Variants in PRPF38A observed in about 807,000 individuals in gnomAD.
PRPF38A encodes pre-mRNA-splicing factor 38A.
Under a neutral mutation model 46.8 loss-of-function variants are expected in PRPF38A, and 11 were observed. The ratio of observed to expected loss-of-function variants is 0.24; its 90% CI spans 0.15 to 0.39. The LOEUF (loss-of-function observed/expected upper bound fraction) is 0.39, where lower values mean the gene tolerates loss of function less well. Ranked by LOEUF, PRPF38A falls within the 10% of genes least tolerant of loss-of-function variation. PRPF38A has a pLI of 1.00. For synonymous variants in PRPF38A, 124 were observed against 136.2 expected (o/e 0.91, Z 0.62); for missense variants, 261 against 407.5 (o/e 0.64, Z 3.10).
At chr1:52,415,302 G>A (rs1648257785) in intron 8 of PRPF38A, 36 bp from the exon 9 acceptor site, 3 of 1,603,796 alleles carry the variant, frequency 1.9e-6, no homozygotes, top group Non-Finnish European at 1.7e-6. Flanking sequence ...AAGAGTAGAA[G>A]GGTAGGATCT....
rs1444987683 is a variant in PRPF38A, at chr1:52,420,684, G to A, written c.*3994G>A. The A allele has an allele frequency of 6.6e-6, 1 of 152,138 alleles. No individual in the cohort carries two copies. Among genetic ancestry groups the A allele is most frequent in the African/African-American group, 2.4e-5 (1 of 41,434 alleles). The allele number at this position is 152,138 out of a possible 1,614,324, so 9.4% of individuals were successfully genotyped here. A position where few individuals can be genotyped will look rare whatever the true frequency, so the allele number is the denominator to read the frequency against. ...TAAAACTATTTGTATATATGTGCCT[G>A]TATGATTAAGAGAGATGGTTGGAAT... On this transcript the variant is annotated 3_prime_UTR_variant, in exon 10 of 10. Coordinates refer to ENST00000257181, the MANE Select transcript of PRPF38A (RefSeq NM_032864.4).
intron 9 of PRPF38A, among the ~76,000 whole-genome samples, 172 bp downstream of exon 9, chr1:52,415,558 C>CT (rs1557594184): frequency 1.3e-5 from 2 of 152,024 alleles, no homozygotes; most frequent in South Asian, 4.1e-4. Flanking sequence ...TCTTTTTTCT[C>CT]TTTTTTGAGA....
intron 2 of PRPF38A, chr1:52,408,336 A>C: frequency 1.5e-6 from 1 of 653,390 alleles, no homozygotes; most frequent in Non-Finnish European, 2.8e-6. Flanking sequence ...TATATTTGAA[A>C]GTTGATCAAT....
rs1246854513 is a variant in PRPF38A, at chr1:52,416,976, T to C, written c.*286T>C. 5.1e-6 allele frequency: 2 copies of C among 389,246 alleles called. No individual in the cohort carries two copies. Among genetic ancestry groups the C allele is most frequent in the African/African-American group, 4.1e-5 (2 of 49,242 alleles). The allele number at this position is 389,246 out of a possible 1,614,324, so 24.1% of individuals were successfully genotyped here. On this transcript the variant is annotated 3_prime_UTR_variant, in exon 10 of 10. Coordinates refer to ENST00000257181, the MANE Select transcript of PRPF38A (RefSeq NM_032864.4). ...CTGACAAGGAAAGGCTGTGGCCACC[T>C]GATGACCCTTTCCCTTTTTATTAAA...
chr1:52,409,645 T>C (rs1234869136), intron 3 of PRPF38A: 3 of 152,200 alleles, frequency 2.0e-5, no homozygotes, highest in South Asian at 2.1e-4. Flanking sequence ...TTTAAACTTA[T>C]TGATTCATTC....
intron 3 of PRPF38A, among the ~76,000 whole-genome samples, chr1:52,410,614 GC>G (rs1193901411): frequency 6.6e-6 from 1 of 151,438 alleles, no homozygotes; most frequent in East Asian, 2.0e-4. Context: ...TAATTCTCCT[GC>G]CTCAGCCTCT....
chr1:52,406,869 CAGCT>C (rs1293906841), intron 2 of PRPF38A, among the ~76,000 whole-genome samples: 3 of 152,350 alleles, frequency 2.0e-5, no homozygotes, highest in African/African-American at 4.8e-5. Flanking sequence ...CAAGTTCAAA[CAGCT>C]AGTAAGTGGC....
rs1182858486 is a variant in PRPF38A at position 52,416,033 on chromosome 1, G to A, written c.897-615G>A. Among the ~76,000 whole-genome samples, 6 of 151,510 alleles carry A rather than the reference G, an allele frequency of 4.0e-5. No homozygotes were observed. The South Asian group carries it at 8.3e-4, about 21-fold the overall frequency. ...AATTTTTTATATTTTTAGTAGAGAC[G>A]GGGTTTCACCATTTTAGCCAGGATG... is the stretch of plus-strand genomic sequence containing the variant. On this transcript the variant is annotated intron_variant, in intron 9 of 9. Coordinates refer to ENST00000257181, the MANE Select transcript of PRPF38A (RefSeq NM_032864.4).
intron 2 of PRPF38A, 82 bp downstream of exon 2, chr1:52,405,921 C>G (rs1647974807): frequency 5.4e-6 from 6 of 1,109,136 alleles, no homozygotes; most frequent in Non-Finnish European, 8.1e-6. Flanking sequence ...GGGGTGTACA[C>G]AATGTATCTC....
rs1648414616 is a variant in PRPF38A at position 52,419,704 on chromosome 1, G to GAAAT, written c.*3018_*3021dup. 1 of 152,156 alleles carries GAAAT rather than the reference G, an allele frequency of 6.6e-6. No homozygotes were observed. Among genetic ancestry groups the GAAAT allele is most frequent in the Non-Finnish European group, 1.5e-5 (1 of 68,048 alleles). 9.4% of individuals were successfully genotyped at this position (152,156 alleles called of 1,614,324 possible). A position where few individuals can be genotyped will look rare whatever the true frequency, so the allele number is the denominator to read the frequency against. ...ACAGCACAGAGAAAATAGGCTGGAGGAAATAAAAAATGGAAAAGAGAAATA... is the reference window on the plus strand; with the variant it reads ...ACAGCACAGAGAAAATAGGCTGGAGGAAATAAATAAAAAATGGAAAAGAGAAATA... On this transcript the variant is annotated 3_prime_UTR_variant, in exon 10 of 10. Coordinates refer to ENST00000257181, the MANE Select transcript of PRPF38A (RefSeq NM_032864.4).
intron 2 of PRPF38A, chr1:52,408,255 A>C (rs1021066324): frequency 3.3e-5 from 14 of 419,618 alleles, no homozygotes; most frequent in Non-Finnish European, 6.0e-5. Context: ...ATAAAATAAA[A>C]TTCAGTATTT....
At position 52,414,625 on chromosome 1, in the gene PRPF38A, A is replaced by G. The variant is rs1315078530; in HGVS notation, c.727A>G (p.Ser243Gly). Residue 243 changes from serine to glycine, a missense_variant, in exon 7 of 10, where the codon AGT becomes GGT. Ser to Gly is a moderately conservative substitution (Grantham distance 56, BLOSUM62 0). Around this residue, in one of 2 missense-constraint regions of PRPF38A, gnomAD observed 180 missense variants for 221.0 expected, o/e 0.81. Coordinates refer to ENST00000257181, the MANE Select transcript of PRPF38A (RefSeq NM_032864.4). ...TTCTTCCTCTCCTCTTTATAGGCGG[A>G]GTCGATCTCCCAAAAGGAGAAGGTA... ...RSRSRSPRRRSRSPKRRSPSP... is the reference protein window; with the variant it reads ...RSRSRSPRRRGRSPKRRSPSP... The G allele has an allele frequency of 2.5e-6, 4 of 1,613,604 alleles. No homozygotes were observed. The highest frequency in any genetic ancestry group is 3.4e-6 in the Non-Finnish European group (4 of 1,179,996).
At chr1:52,412,242 C>T (rs961531336) in intron 4 of PRPF38A, among the ~76,000 whole-genome samples, 2 of 152,082 alleles carry the variant, frequency 1.3e-5, no homozygotes, top group African/African-American at 2.4e-5. Flanking sequence ...CTAGGCTGTA[C>T]CTATACTGAT....
chr1:52,404,825 C>A lies in PRPF38A; in HGVS notation c.76C>A (p.Arg26=). 6.2e-7 allele frequency: 1 copy of A among 1,614,176 alleles called. No homozygotes were observed. The highest frequency in any genetic ancestry group is 2.2e-5 in the East Asian group (1 of 44,882). ...NPQYLVEKII[R]TRIYESKYWK... is the part of the protein sequence containing the mutation. ...TCAATATCTGGTGGAGAAGATCATT[C>A]GAACGCGAATCTATGAGTCCAAGTA... Residue 26 remains arginine (R), a synonymous_variant, in exon 1 of 10, where the codon CGA becomes AGA. Coordinates refer to ENST00000257181, the MANE Select transcript of PRPF38A (RefSeq NM_032864.4).
chr1:52,406,380 G>A (rs1359537785), intron 2 of PRPF38A, among the ~76,000 whole-genome samples: 1 of 152,162 alleles, frequency 6.6e-6, no homozygotes, highest in Non-Finnish European at 1.5e-5. Flanking sequence ...GGATTTCACA[G>A]ATTCACTAAA....
Position 52,404,858 on chromosome 1 carries a change from G to C in PRPF38A, c.109G>C (p.Glu37Gln). ...TRIYESKYWK[E>Q]ECFGLTAELV... Reference sequence around the variant, plus strand: ...AATCTATGAGTCCAAGTACTGGAAAGAGGAGTGCTTTGGACTTACAGGTAA... The same window carrying C: ...AATCTATGAGTCCAAGTACTGGAAACAGGAGTGCTTTGGACTTACAGGTAA... Residue 37 changes from glutamate to glutamine, a missense_variant, in exon 1 of 10, where the codon GAG becomes CAG. Transcript: ENST00000257181. The C allele has an allele frequency of 6.2e-7, 1 of 1,614,224 alleles. No individual in the cohort carries two copies. Among genetic ancestry groups the C allele is most frequent in the East Asian group, 2.2e-5 (1 of 44,888 alleles).
At position 52,413,924 on chromosome 1, in the gene PRPF38A, G is replaced by T; in HGVS notation, c.655G>T (p.Asp219Tyr). The change falls in exon 6 of 10, where the codon GAC becomes TAC. Residue 219 changes from aspartate (D) to tyrosine (Y), a missense_variant. Transcript: ENST00000257181. ...TGATCACCGCCGGAGAAGCTACCGA[G>T]ACTTGGACAAGCCCCGTCGCTCTCC... ...SPDHRRRSYR[D>Y]LDKPRRSPTL... 1.2e-6 allele frequency: 2 copies of T among 1,614,012 alleles called. No individual in the cohort carries two copies. The highest frequency in any genetic ancestry group is 1.7e-6 in the Non-Finnish European group (2 of 1,179,990).
At position 52,415,832 on chromosome 1, in the gene PRPF38A, C is replaced by CTTT. The variant is rs71041898; in HGVS notation, c.896+472_896+474dup. Among the ~76,000 whole-genome samples, 84 of 51,608 alleles carry CTTT rather than the reference C, an allele frequency of 1.6e-3. 18 individuals carry two copies. The highest frequency in any genetic ancestry group is 5.6e-3 in the African/African-American group (61 of 10,888). The allele number at this position is 51,608 out of a possible 152,430, so 33.9% of individuals were successfully genotyped here. A position where few individuals can be genotyped will look rare whatever the true frequency, so the allele number is the denominator to read the frequency against. On this transcript the variant is annotated intron_variant, in intron 9 of 9. Coordinates refer to ENST00000257181, the MANE Select transcript of PRPF38A (RefSeq NM_032864.4). ...TGTGCCATATACCGTTGGGTGCACT[C>CTTT]TTTTTTTTTTTTTTTTTTTTTTTTT...
rs568603148 is a variant in PRPF38A, at chr1:52,418,166, A to AT, written c.*1482dup. Reference sequence around the variant, plus strand: ...TGAAAGACTTCAGCAGTATTAAAGCATTTTTTAATCTTATTTGAGCTTTCA... The same window carrying AT: ...TGAAAGACTTCAGCAGTATTAAAGCATTTTTTTAATCTTATTTGAGCTTTCA... On this transcript the variant is annotated 3_prime_UTR_variant, in exon 10 of 10. Coordinates refer to ENST00000257181, the MANE Select transcript of PRPF38A (RefSeq NM_032864.4). 4 of 152,624 alleles carry AT rather than the reference A, an allele frequency of 2.6e-5. No individual in the cohort carries two copies. The highest frequency in any genetic ancestry group is 5.9e-5 in the Non-Finnish European group (4 of 68,026). The allele number at this position is 152,624 out of a possible 1,614,324, so 9.5% of individuals were successfully genotyped here. A position where few individuals can be genotyped will look rare whatever the true frequency, so the allele number is the denominator to read the frequency against.
Sources: allele counts gnomAD v4.1 joint callset (sites outside exome capture counted in the v4.1 genomes callset), GRCh38; gene constraint gnomAD v4.1.1; regional missense constraint gnomAD v4.1.1; transcripts MANE v1.5; gene names NCBI Gene and HGNC (gene_info 2026-07-23, HGNC 2026-07-21).